Variants in TLE4 observed in about 807,000 individuals in gnomAD.
TLE4 encodes transducin-like enhancer protein 4.
Under a neutral mutation model 92.8 loss-of-function variants are expected in TLE4, and 8 were observed. The observed-to-expected ratio is 0.09, with a 90% CI of 0.05 to 0.16. TLE4 has a LOEUF of 0.16. Among genes scored for constraint, TLE4 ranks in the 10% least tolerant of loss-of-function variants. The probability of loss-of-function intolerance (pLI) is 1.00; values close to 1 mark genes in which losing one functional copy is unlikely to be tolerated. For synonymous variants in TLE4, 371 were observed against 374.1 expected (o/e 0.99, Z 0.10); for missense variants, 675 against 997.6 (o/e 0.68, Z 4.36).
At chr9:79,703,738 A>G (rs552923249) in intron 8 of TLE4, among the ~76,000 whole-genome samples, 1 of 152,288 alleles carries the variant, frequency 6.6e-6, no homozygotes, top group East Asian at 1.9e-4. Flanking sequence ...GTTTCCAGAC[A>G]TTGAAAGGTG....
intron 8 of TLE4, among the ~76,000 whole-genome samples, chr9:79,689,310 C>T (rs954450183): frequency 6.6e-6 from 1 of 151,434 alleles, no homozygotes; most frequent in Admixed American, 6.6e-5. Context: ...GTGTGTGTTA[C>T]ATCAATTTTT....
At chr9:79,579,526 T>C (rs577583637) in intron 4 of TLE4, among the ~76,000 whole-genome samples, 54 of 152,372 alleles carry the variant, frequency 3.5e-4, no homozygotes, top group Non-Finnish European at 6.3e-4. Context: ...ATAGTTAGTA[T>C]TCTACAATGT....
chr9:79,608,943 T>G (rs2047726118), intron 4 of TLE4, among the ~76,000 whole-genome samples: 1 of 152,092 alleles, frequency 6.6e-6, no homozygotes, highest in South Asian at 2.1e-4. Context: ...TTGTATCAGG[T>G]CTATTTCAGG....
At chr9:79,601,535 T>C (rs2045660944) in intron 4 of TLE4, 1 of 450,698 alleles carries the variant, frequency 2.2e-6, no homozygotes, top group Non-Finnish European at 4.4e-6. Flanking sequence ...TTTCAAACTT[T>C]CTTATTATTA....
chr9:79,693,665 C>T (rs376532556), intron 8 of TLE4: 2 of 517,574 alleles, frequency 3.9e-6, no homozygotes, highest in Non-Finnish European at 7.7e-6. Flanking sequence ...AAAGTTGTAC[C>T]TCTGCTTTGA....
chr9:79,720,313 T>TA lies in TLE4; in HGVS notation c.1838+21dup. ...GGTGAGGTAGGTTAGCAGGATCTGT[T>TA]ACCAGGTTGTGAGGAGGAGCCGATT... On this transcript the variant is annotated intron_variant, in intron 16 of 19. Transcript: ENST00000376552. The TA allele has an allele frequency of 6.3e-7, 1 of 1,599,378 alleles. No homozygotes were observed. Among genetic ancestry groups the TA allele is most frequent in the Non-Finnish European group, 8.5e-7 (1 of 1,170,024 alleles).
intron 4 of TLE4, among the ~76,000 whole-genome samples, chr9:79,599,349 T>A (rs1482750916): frequency 6.6e-6 from 1 of 152,196 alleles, no homozygotes; most frequent in African/African-American, 2.4e-5. Context: ...GCACATTAGA[T>A]TCACCTGGGG....
At chr9:79,635,446 G>C (rs562229882) in intron 6 of TLE4, among the ~76,000 whole-genome samples, 1 of 151,356 alleles carries the variant, frequency 6.6e-6, no homozygotes, top group Admixed American at 6.6e-5. Flanking sequence ...GGTGTTGTCT[G>C]TAAGTAATCT....
chr9:79,654,170 G>A, intron 8 of TLE4, 95 bp downstream of exon 8: 1 of 1,287,336 alleles, frequency 7.8e-7, no homozygotes, highest in Non-Finnish European at 1.1e-6. Flanking sequence ...TTTAGAGAAT[G>A]ATTTCATTGG....
chr9:79,679,220 T>C (rs1260675844), intron 8 of TLE4, among the ~76,000 whole-genome samples: 1 of 152,158 alleles, frequency 6.6e-6, no homozygotes, highest in Non-Finnish European at 1.5e-5. Context: ...ATGGTTGAAC[T>C]AGTTTACAGT....
chr9:79,619,223 G>A (rs2050368612), intron 5 of TLE4, among the ~76,000 whole-genome samples: 1 of 152,122 alleles, frequency 6.6e-6, no homozygotes, highest in African/African-American at 2.4e-5. Context: ...ATAAACTCCT[G>A]TTTTGGACAT....
chr9:79,685,634 A>G (rs2065681675), intron 8 of TLE4, among the ~76,000 whole-genome samples: 2 of 152,232 alleles, frequency 1.3e-5, no homozygotes, highest in African/African-American at 4.8e-5. Context: ...AAAACAAAAC[A>G]TGGATTTTAT....
chr9:79,588,967 C>T (rs2041879743), intron 4 of TLE4, among the ~76,000 whole-genome samples: 1 of 152,130 alleles, frequency 6.6e-6, no homozygotes, highest in Non-Finnish European at 1.5e-5. Context: ...AGTTCCTTTC[C>T]TCAGAGGATG....
At chr9:79,577,471 G>A (rs1234426473) in intron 4 of TLE4, among the ~76,000 whole-genome samples, 1 of 152,180 alleles carries the variant, frequency 6.6e-6, no homozygotes, top group African/African-American at 2.4e-5. Flanking sequence ...ATGGCCTGTT[G>A]AAATTAAATT....
intron 4 of TLE4, among the ~76,000 whole-genome samples, chr9:79,598,682 C>T (rs1194044133): frequency 4.6e-5 from 7 of 151,986 alleles, no homozygotes; most frequent in Admixed American, 6.6e-5. Flanking sequence ...AGACAATAAT[C>T]GAAAGTTATG....
In TLE4 at chr9:79,666,221, T is replaced by G. The variant is rs1164201986; in HGVS notation, c.609+12146T>G. Among the ~76,000 whole-genome samples, 166 of 111,396 alleles carry G rather than the reference T, an allele frequency of 1.5e-3. 2 individuals carry two copies. Among genetic ancestry groups the G allele is most frequent in the African/African-American group, 4.8e-3 (118 of 24,702 alleles). 73.1% of individuals were successfully genotyped at this position (111,396 alleles called of 152,430 possible). A position where few individuals can be genotyped will look rare whatever the true frequency, so the allele number is the denominator to read the frequency against. ...TGGGTGGGGTTTTTTTTTTTTGTTT[T>G]TTTTTTTTTTTTTTTTTTGAGAAGG... On this transcript the variant is annotated intron_variant, in intron 8 of 19. Transcript: ENST00000376552.
intron 4 of TLE4, among the ~76,000 whole-genome samples, chr9:79,578,942 CAA>C (rs11322127): frequency 0.028 from 2,782 of 101,162 alleles, 59 homozygotes; most frequent in Admixed American, 0.097. Context: ...GCAGATGAAG[CAA>C]AAAAAAAAAA....
intron 6 of TLE4, among the ~76,000 whole-genome samples, chr9:79,639,730 G>T (rs1177040688): frequency 6.6e-6 from 1 of 152,066 alleles, no homozygotes. Flanking sequence ...TGCTGTTCAG[G>T]TTTGTAGCCT....
At chr9:79,581,509 T>C (rs918817365) in intron 4 of TLE4, among the ~76,000 whole-genome samples, 2 of 152,206 alleles carry the variant, frequency 1.3e-5, no homozygotes, top group African/African-American at 4.8e-5. Context: ...TTGAGTGAAA[T>C]TGGAATTTCC....
Sources: allele counts gnomAD v4.1 joint callset (sites outside exome capture counted in the v4.1 genomes callset), GRCh38; gene constraint gnomAD v4.1.1; transcripts MANE v1.5; gene names NCBI Gene and HGNC (gene_info 2026-07-23, HGNC 2026-07-21).